The following SAMMSON variants were observed in gnomAD, a reference collection of about 807,000 sequenced individuals.
The protein encoded by SAMMSON is survival associated mitochondrial melanoma specific oncogenic non-coding RNA.
At chr3:70,431,498 A>T (rs1701411995) in intron 2 of SAMMSON, among the ~76,000 whole-genome samples, 1 of 152,056 alleles carries the variant, frequency 6.6e-6, no homozygotes, top group African/African-American at 2.4e-5. Context: ...AAATATTTTA[A>T]TCTGTCTCTA....
intron 2 of SAMMSON, among the ~76,000 whole-genome samples, chr3:70,429,616 A>G (rs887539782): frequency 2.6e-5 from 4 of 152,258 alleles, no homozygotes; most frequent in Middle Eastern, 3.4e-3. Flanking sequence ...ATGTTTTACC[A>G]TTTGTTTGTG....
At position 70,382,914 on chromosome 3, in the gene SAMMSON, A is replaced by G. The variant is rs913585200; in HGVS notation, n.914-6660A>G. Among the ~76,000 whole-genome samples, 3 of 152,254 alleles carry G rather than the reference A, an allele frequency of 2.0e-5. No individual in the cohort carries two copies. The East Asian group carries it at 5.8e-4, about 29-fold the overall frequency. ...TTGAGAAGGGTTAGTTTAAGGGAAA[A>G]TTTGAGACAAAGAGTATTCTCAGGT... On this transcript the variant is annotated intron_variant and non_coding_transcript_variant, in intron 9 of 9. Transcript: ENST00000642114.
chr3:70,356,269 A>G (rs1276687951), intron 8 of SAMMSON, among the ~76,000 whole-genome samples: 2 of 152,164 alleles, frequency 1.3e-5, no homozygotes, highest in African/African-American at 2.4e-5. Flanking sequence ...ATCACACGAA[A>G]TAATATAAAA....
intron 7 of SAMMSON, among the ~76,000 whole-genome samples, chr3:70,294,874 T>C (rs1223441225): frequency 6.6e-6 from 1 of 152,168 alleles, no homozygotes; most frequent in Non-Finnish European, 1.5e-5. Context: ...AATAGGAGAC[T>C]ATCTTTTTTT....
At chr3:70,372,466 A>G (rs1423752431) in intron 9 of SAMMSON, among the ~76,000 whole-genome samples, 1 of 151,746 alleles carries the variant, frequency 6.6e-6, no homozygotes, top group Non-Finnish European at 1.5e-5. Context: ...CGCCTGGCTC[A>G]TTTTTGTATT....
At chr3:70,428,040 A>C (rs1477172897) in intron 2 of SAMMSON, among the ~76,000 whole-genome samples, 1 of 152,224 alleles carries the variant, frequency 6.6e-6, no homozygotes, top group Non-Finnish European at 1.5e-5. Flanking sequence ...TAAAGTTGGC[A>C]AAATATGTGA....
chr3:70,429,408 C>T (rs1229367842), intron 2 of SAMMSON, among the ~76,000 whole-genome samples: 5 of 152,148 alleles, frequency 3.3e-5, no homozygotes, highest in Non-Finnish European at 7.4e-5. Context: ...ATGATGCCTC[C>T]AGCTTTGTTC....
chr3:70,279,134 C>A (rs1437855580), intron 6 of SAMMSON, among the ~76,000 whole-genome samples: 4 of 150,910 alleles, frequency 2.7e-5, no homozygotes, highest in Non-Finnish European at 5.9e-5. Context: ...GTTTCACTCA[C>A]TACATGCAAT....
intron 7 of SAMMSON, among the ~76,000 whole-genome samples, chr3:70,300,933 T>C (rs1190826219): frequency 3.3e-5 from 5 of 152,022 alleles, no homozygotes; most frequent in Admixed American, 3.3e-4. Flanking sequence ...AAGAAAGCCG[T>C]TAGTGCAATT....
At chr3:70,290,789 A>G (rs1702229555) in intron 6 of SAMMSON, among the ~76,000 whole-genome samples, 1 of 152,116 alleles carries the variant, frequency 6.6e-6, no homozygotes, top group Non-Finnish European at 1.5e-5. Context: ...CTTGTCGGAA[A>G]AGCGCAGTAT....
chr3:70,419,643 G>A (rs1424778175), intron 2 of SAMMSON, among the ~76,000 whole-genome samples: 1 of 148,758 alleles, frequency 6.7e-6, no homozygotes, highest in Admixed American at 6.6e-5. Flanking sequence ...TCTGAAAATG[G>A]TTTGTTTGTT....
At chr3:70,250,336 T>G (rs1219880959) in intron 6 of SAMMSON, among the ~76,000 whole-genome samples, 1 of 152,036 alleles carries the variant, frequency 6.6e-6, no homozygotes, top group Admixed American at 6.6e-5. Flanking sequence ...AGCGACATTT[T>G]TTAGGTAATT....
At chr3:70,309,662 A>G (rs759606124) in intron 7 of SAMMSON, among the ~76,000 whole-genome samples, 16 of 152,092 alleles carry the variant, frequency 1.1e-4, no homozygotes, top group Non-Finnish European at 1.5e-4. Context: ...ATGCCAACCC[A>G]TATACTTTTT....
chr3:70,031,975 T>G (rs562672841), intron 3 of SAMMSON, among the ~76,000 whole-genome samples: 2 of 152,358 alleles, frequency 1.3e-5, no homozygotes, highest in East Asian at 3.9e-4. Flanking sequence ...AGATTACTTA[T>G]GAGTTGTGTT....
intron 4 of SAMMSON, among the ~76,000 whole-genome samples, chr3:70,154,920 G>T (rs961903050): frequency 1.3e-5 from 2 of 151,916 alleles, no homozygotes; most frequent in African/African-American, 4.8e-5. Context: ...TATCTAAAGG[G>T]TAGGGGTTCA....
Position 70,154,589 on chromosome 3 carries a change from C to T in SAMMSON, n.507+83024C>T, listed in dbSNP as rs530504915. Among the ~76,000 whole-genome samples the T allele has an allele frequency of 1.9e-3, 291 of 152,134 alleles. 2 individuals carry two copies. Among genetic ancestry groups the T allele is most frequent in the African/African-American group, 6.9e-3 (285 of 41,534 alleles). On this transcript the variant is annotated intron_variant and non_coding_transcript_variant, in intron 4 of 9. Coordinates refer to ENST00000642114, the Ensembl canonical transcript of SAMMSON. ...AGTTGTACAGTCAAATTAAGATTGC[C>T]TGGGCTAGAGCATAGGAAAATAATA...
At chr3:70,141,038 T>C (rs187923649) in intron 4 of SAMMSON, among the ~76,000 whole-genome samples, 24 of 152,250 alleles carry the variant, frequency 1.6e-4, no homozygotes, top group Admixed American at 3.9e-4. Flanking sequence ...TGTTTTTATT[T>C]TCTTTTTCTA....
At chr3:70,335,272 A>G (rs1388483651) in intron 7 of SAMMSON, among the ~76,000 whole-genome samples, 2 of 151,950 alleles carry the variant, frequency 1.3e-5, no homozygotes, top group African/African-American at 4.8e-5. Flanking sequence ...TTCCTTCACT[A>G]TATTATGTAC....
At chr3:70,314,955 T>G (rs1702485361) in intron 7 of SAMMSON, among the ~76,000 whole-genome samples, 2 of 152,148 alleles carry the variant, frequency 1.3e-5, no homozygotes, top group African/African-American at 2.4e-5. Flanking sequence ...AGCAATCCAC[T>G]GCTTAAATCC....
Sources: allele counts gnomAD v4.1 joint callset (sites outside exome capture counted in the v4.1 genomes callset), GRCh38; gene constraint gnomAD v4.1.1; transcripts MANE v1.5; gene names NCBI Gene and HGNC (gene_info 2026-07-23, HGNC 2026-07-21).